Variants in TXNIP observed in about 807,000 individuals in gnomAD.
TXNIP encodes the protein thioredoxin-interacting protein.
A neutral mutation model predicts 43.9 loss-of-function variants in TXNIP; 23 were observed. That is an observed-to-expected ratio of 0.52 (90% CI 0.38 to 0.74). The LOEUF is 0.74. Among genes scored for constraint, TXNIP ranks in the 30% least tolerant of loss-of-function variants. The pLI, the probability that TXNIP is intolerant of heterozygous loss-of-function variation, is 0.00. For missense variants in TXNIP, 555 were observed against 485.4 expected (o/e 1.14, Z -1.35); for synonymous variants, 234 against 172.2 (o/e 1.36, Z -2.81).
chr1:145,992,964 T>C lies in TXNIP; in HGVS notation c.*887A>G, dbSNP rs1553765615. ...AAAGTAGTAAAATTTTTTTTGTCTT[T>C]TGGCTTAACCCTAGAGACACAGTAG... On this transcript the variant is annotated 3_prime_UTR_variant, in exon 8 of 8. Coordinates refer to ENST00000582401, the MANE Select transcript of TXNIP (RefSeq NM_006472.6). 1 of 152,684 alleles carries C rather than the reference T, an allele frequency of 6.5e-6. No individual in the cohort carries two copies. Among genetic ancestry groups the C allele is most frequent in the Non-Finnish European group, 1.5e-5 (1 of 68,062 alleles). The allele number at this position is 152,684 out of a possible 1,614,324, so 9.5% of individuals were successfully genotyped here.
At chr1:145,995,630 A>G in intron 1 of TXNIP, 154 bp from the exon 2 acceptor site, 1 of 747,448 alleles carries the variant, frequency 1.3e-6, no homozygotes, top group Non-Finnish European at 2.2e-6. Flanking sequence ...TATTGTTCTT[A>G]AAGAGAAATT....
In TXNIP at chr1:145,994,023, TAA is replaced by T. The variant is rs1553765864; in HGVS notation, c.1131_1132del (p.Thr379Ter). On this transcript the variant is annotated frameshift_variant, in exon 7 of 8. Coordinates refer to ENST00000582401, the MANE Select transcript of TXNIP (RefSeq NM_006472.6). LOFTEE classifies it high-confidence loss of function. The stretch of plus-strand genomic sequence containing the variant: ...AAAGATGACAATCCTCACCTCAGTA[TAA>T]GTCGGTGGTGGCATGAACTTGAACT... 1.9e-6 allele frequency: 3 copies of T among 1,614,070 alleles called. No individual in the cohort carries two copies. The highest frequency in any genetic ancestry group is 2.7e-5 in the African/African-American group (2 of 74,924).
In TXNIP at chr1:145,996,277, A is replaced by G. The variant is rs369886072; in HGVS notation, c.-11T>C. Reference sequence around the variant, plus strand: ...CTTGAACATCACCATGATGGAACTGAGTTGGTTTTAAGAGTTAGAAATGAC... The same window carrying G: ...CTTGAACATCACCATGATGGAACTGGGTTGGTTTTAAGAGTTAGAAATGAC... On this transcript the variant is annotated 5_prime_UTR_variant, in exon 1 of 8. Transcript: ENST00000582401. 1.1e-4 allele frequency: 175 copies of G among 1,611,744 alleles called. No individual in the cohort carries two copies. In the African/African-American group the frequency reaches 2.2e-3, roughly 20 times the overall value.
At position 145,996,561 on chromosome 1, in the gene TXNIP, G is replaced by A. The variant is rs587766590; in HGVS notation, c.-295C>T. The A allele has an allele frequency of 1.1e-3, 309 of 280,774 alleles. 3 individuals carry two copies. Among genetic ancestry groups the A allele is most frequent in the Non-Finnish European group, 1.5e-3 (212 of 145,338 alleles). 17.4% of individuals were successfully genotyped at this position (280,774 alleles called of 1,614,324 possible). On this transcript the variant is annotated 5_prime_UTR_variant, in exon 1 of 8. Transcript: ENST00000582401. ...CGATCTCCACAAGCACTCCTTTGGA[G>A]AAAAAGAGGGGTTAGTTTCAAGCAG...
At position 145,994,530 on chromosome 1, in the gene TXNIP, C is replaced by G; in HGVS notation, c.831+14G>C. ...GAACAATTTCTCTGCTGAAGCCACC[C>G]TGCATCTACCCACCAGTAAGGAATA... is the stretch of plus-strand genomic sequence containing the variant. On this transcript the variant is annotated intron_variant, in intron 5 of 7. Transcript: ENST00000582401. 1.2e-6 allele frequency: 2 copies of G among 1,614,056 alleles called. No individual in the cohort carries two copies. Among genetic ancestry groups the G allele is most frequent in the Non-Finnish European group, 1.7e-6 (2 of 1,179,954 alleles).
At position 145,996,011 on chromosome 1, in the gene TXNIP, G is replaced by A. The variant is rs781848418; in HGVS notation, c.250+6C>T. ...TCACCCTCCAACAATGAATTGGGCC[G>A]CTTACCTGTTGGCTGGTCTTCCAGA... On this transcript the variant is annotated splice_donor_region_variant and intron_variant, in intron 1 of 7. Coordinates refer to ENST00000582401, the MANE Select transcript of TXNIP (RefSeq NM_006472.6). 3.1e-6 allele frequency: 5 copies of A among 1,612,192 alleles called. No individual in the cohort carries two copies. The highest frequency in any genetic ancestry group is 1.1e-5 in the South Asian group (1 of 91,016).
chr1:145,996,397 T>A lies in TXNIP; in HGVS notation c.-131A>T. 8.8e-7 allele frequency: 1 copy of A among 1,132,068 alleles called. No homozygotes were observed. Among genetic ancestry groups the A allele is most frequent in the Non-Finnish European group, 1.2e-6 (1 of 803,028 alleles). The allele number at this position is 1,132,068 out of a possible 1,614,324, so 70.1% of individuals were successfully genotyped here. ...AAGGTATTCTTAAGCAGTTTGAGCT[T>A]AAAAATAAAATAAGATTTAAACAAA... On this transcript the variant is annotated 5_prime_UTR_variant, in exon 1 of 8. Transcript: ENST00000582401.
At chr1:145,994,189 CA>C (rs1651338317) in intron 6 of TXNIP, 22 bp from the exon 7 acceptor site, 2 of 1,613,382 alleles carry the variant, frequency 1.2e-6, no homozygotes, top group Non-Finnish European at 8.5e-7. Flanking sequence ...AATATGGCCA[CA>C]TAAGAATCCT....
chr1:145,995,266 T>C lies in TXNIP; in HGVS notation c.349A>G (p.Lys117Glu). 6.2e-6 allele frequency: 10 copies of C among 1,614,170 alleles called. No individual in the cohort carries two copies. The highest frequency in any genetic ancestry group is 8.5e-6 in the Non-Finnish European group (10 of 1,179,996). The change falls in exon 3 of 8, where the codon AAA (lysine) becomes GAA (glutamate). Residue 117 changes from lysine to glutamate, a missense_variant. Coordinates refer to ENST00000582401, the MANE Select transcript of TXNIP (RefSeq NM_006472.6). The stretch of plus-strand genomic sequence containing the variant: ...ACCCAGTAGTCTACACACCCATATT[T>C]TCCTTTGAAGGATGTTCCCAGAGGC... Reference protein sequence around the residue: ...QGPLGTSFKGKYGCVDYWVKA... With the variant: ...QGPLGTSFKGEYGCVDYWVKA...
intron 1 of TXNIP, 90 bp from the exon 2 acceptor site, chr1:145,995,566 G>C (rs1651464017): frequency 1.7e-6 from 2 of 1,160,330 alleles, no homozygotes; most frequent in Admixed American, 3.4e-5. Context: ...TGGCATGCAA[G>C]GTATTGAAGT....
Position 145,996,495 on chromosome 1 carries a change from G to C in TXNIP, c.-229C>G. 1 of 432,688 alleles carries C rather than the reference G, an allele frequency of 2.3e-6. No individual in the cohort carries two copies. Among genetic ancestry groups the C allele is most frequent in the East Asian group, 4.5e-5 (1 of 22,186 alleles). The allele number at this position is 432,688 out of a possible 1,614,324, so 26.8% of individuals were successfully genotyped here. ...CCGCTGGTTACACTAAGCTAATTCA[G>C]AGAAAAAGCCTTCTTTCCCCCAATT... On this transcript the variant is annotated 5_prime_UTR_variant, in exon 1 of 8. Coordinates refer to ENST00000582401, the MANE Select transcript of TXNIP (RefSeq NM_006472.6).
At position 145,992,456 on chromosome 1, in the gene TXNIP, CTT is replaced by C. The variant is rs1553765530; in HGVS notation, c.*1393_*1394del. ...GACATTTTTTTTTCCATTAAAAAAA[CTT>C]TATTTTCATTTTTTACAAAGAATAT... On this transcript the variant is annotated 3_prime_UTR_variant, in exon 8 of 8. Transcript: ENST00000582401. The C allele has an allele frequency of 2.6e-5, 4 of 152,602 alleles. No homozygotes were observed. The highest frequency in any genetic ancestry group is 1.9e-4 in the East Asian group (1 of 5,190). 9.5% of individuals were successfully genotyped at this position (152,602 alleles called of 1,614,324 possible).
chr1:145,995,592 CCA>C, intron 1 of TXNIP, 116 bp from the exon 2 acceptor site: 1 of 890,700 alleles, frequency 1.1e-6, no homozygotes, highest in Non-Finnish European at 1.9e-6. Context: ...CAATTTCATC[CCA>C]TATATATATT....
rs587599744 is a variant in TXNIP, at chr1:145,994,970, A to G, written c.533T>C (p.Val178Ala). The change falls in exon 4 of 8, where the codon GTG (valine) becomes GCG (alanine). Residue 178 changes from valine to alanine, a missense_variant. Transcript: ENST00000582401. ...VSCMFIPDGR[V>A]SVSARIDRKG... ...TCTGTCAATTCGAGCAGAGACAGAC[A>G]CCCGCCCATCAGGAATGAACATGCA... 6.2e-7 allele frequency: 1 copy of G among 1,614,134 alleles called. No individual in the cohort carries two copies. The highest frequency in any genetic ancestry group is 2.2e-5 in the East Asian group (1 of 44,890).
At position 145,995,287 on chromosome 1, in the gene TXNIP, G is replaced by C. The variant is rs200312270; in HGVS notation, c.328C>G (p.Leu110Val). The C allele has an allele frequency of 1.2e-6, 2 of 1,613,300 alleles. No homozygotes were observed. The highest frequency in any genetic ancestry group is 1.3e-5 in the African/African-American group (1 of 74,858). ...KFGFELPQGP[L>V]GTSFKGKYGC... is the part of the protein sequence containing the mutation. ...TATTTTCCTTTGAAGGATGTTCCCAGAGGCCTGTGTCAAGAAAATGAAAAT... is the reference window on the plus strand; with the variant it reads ...TATTTTCCTTTGAAGGATGTTCCCACAGGCCTGTGTCAAGAAAATGAAAAT... Residue 110 changes from leucine to valine, a missense_variant, in exon 3 of 8, where the codon CTG becomes GTG. Physicochemically the swap from Leu to Val is conservative, Grantham distance 32 (BLOSUM62 1). Transcript: ENST00000582401.
rs1280369239 is a variant in TXNIP, at chr1:145,994,378, G to A, written c.891C>T (p.Gly297=). 1.2e-6 allele frequency: 2 copies of A among 1,614,168 alleles called. No individual in the cohort carries two copies. Among genetic ancestry groups the A allele is most frequent in the African/African-American group, 1.3e-5 (1 of 75,028 alleles). ...KVILDLPLVI[G]SRSGLSSRTS... ...TTCTGCTGCTTAGACCTGATCTGCT[G>A]CCAATTACCAGGGGCAGGTCAAGGA... The change falls in exon 6 of 8, where the codon GGC becomes GGT. Residue 297 remains glycine (G), a synonymous_variant. Transcript: ENST00000582401.
rs1312385871 is a variant in TXNIP, at chr1:145,992,833, G to C, written c.*1018C>G. ...ACAGGGTTGGGCATCTTGATCAAGA[G>C]TTCCTCCTTGGGTTTGAAGTCACAG... On this transcript the variant is annotated 3_prime_UTR_variant, in exon 8 of 8. Transcript: ENST00000582401. 1 of 152,680 alleles carries C rather than the reference G, an allele frequency of 6.5e-6. No homozygotes were observed. The highest frequency in any genetic ancestry group is 1.9e-4 in the East Asian group (1 of 5,200). 9.5% of individuals were successfully genotyped at this position (152,680 alleles called of 1,614,324 possible). A position where few individuals can be genotyped will look rare whatever the true frequency, so the allele number is the denominator to read the frequency against.
In TXNIP at chr1:145,996,166, T is replaced by G; in HGVS notation, c.101A>C (p.Glu34Ala). 6.2e-7 allele frequency: 1 copy of G among 1,613,854 alleles called. No homozygotes were observed. Among genetic ancestry groups the G allele is most frequent in the Non-Finnish European group, 8.5e-7 (1 of 1,179,954 alleles). Residue 34 changes from glutamate (E) to alanine (A), a missense_variant, in exon 1 of 8, where the codon GAG (glutamate) becomes GCG (alanine). Glu to Ala is a moderately radical substitution (Grantham distance 107). Transcript: ENST00000582401. ...TTTGACACGAGTAACTTCACACACC[T>G]CCACTATCACCCGGCCAGCCACCTT... ...GEKVAGRVIV[E>A]VCEVTRVKAV...
rs1459552093 is a variant in TXNIP, at chr1:145,996,366, G to C, written c.-100C>G. On this transcript the variant is annotated 5_prime_UTR_variant, in exon 1 of 8. Transcript: ENST00000582401. ...TTTGCAAAAAATTATTTCACTTTAAGGAATTAAGGTATTCTTAAGCAGTTT... is the reference window on the plus strand; with the variant it reads ...TTTGCAAAAAATTATTTCACTTTAACGAATTAAGGTATTCTTAAGCAGTTT... 5 of 1,353,378 alleles carry C rather than the reference G, an allele frequency of 3.7e-6. No homozygotes were observed. The highest frequency in any genetic ancestry group is 5.1e-6 in the Non-Finnish European group (5 of 983,820). 83.8% of individuals were successfully genotyped at this position (1,353,378 alleles called of 1,614,324 possible). A position where few individuals can be genotyped will look rare whatever the true frequency, so the allele number is the denominator to read the frequency against.
Sources: allele counts gnomAD v4.1 joint callset, GRCh38; gene constraint gnomAD v4.1.1; transcripts MANE v1.5; gene names NCBI Gene and HGNC (gene_info 2026-07-23, HGNC 2026-07-21).